Variants in NEDD9 observed in about 807,000 individuals in gnomAD.
NEDD9 encodes the protein enhancer of filamentation 1.
NEDD9 carries 26 observed loss-of-function variants against 76.6 expected under a neutral mutation model. The ratio of observed to expected loss-of-function variants is 0.34; its 90% confidence interval spans 0.25 to 0.47. The LOEUF (loss-of-function observed/expected upper bound fraction) is 0.47. NEDD9 is among the 20% of genes least tolerant of loss of function. The pLI, the probability that NEDD9 is intolerant of heterozygous loss-of-function variation, is 1.00. For synonymous variants in NEDD9, 392 were observed against 414.2 expected (o/e 0.95, Z 0.65); for missense variants, 937 against 1,058.5 (o/e 0.89, Z 1.59).
intron 3 of NEDD9, among the ~76,000 whole-genome samples, chr6:11,275,048 A>G (rs1290087707): frequency 6.6e-6 from 1 of 152,246 alleles, no homozygotes; most frequent in Non-Finnish European, 1.5e-5. Context: ...ACATATAGAT[A>G]GTAGAATACT....
Position 11,357,241 on chromosome 6 carries a change from C to T in NEDD9, c.-213-22680G>A, listed in dbSNP as rs558192130. Among the ~76,000 whole-genome samples the T allele has an allele frequency of 1.5e-4, 23 of 152,282 alleles. No individual in the cohort carries two copies. The South Asian group carries it at 4.8e-3, about 32-fold the overall frequency. ...CCTTTACTCCTGTGGATAAACTTGT[C>T]ATTATCCCTCTGGAAGCCCCAAATG... On this transcript the variant is annotated intron_variant, in intron 1 of 3. Coordinates refer to the NEDD9 transcript ENST00000397378.
chr6:11,336,051 C>T (rs1762153206), intron 1 of NEDD9, among the ~76,000 whole-genome samples: 3 of 152,182 alleles, frequency 2.0e-5, no homozygotes, highest in Admixed American at 2.0e-4. Flanking sequence ...ACGACATGCC[C>T]CAGGACTCCC....
chr6:11,190,016 C>G lies in NEDD9; in HGVS notation c.1853G>C (p.Ser618Thr). The change falls in exon 5 of 7, where the codon AGT becomes ACT. Residue 618 changes from serine (S) to threonine (T), a missense_variant. By Grantham distance (58) the Ser-to-Thr change is moderately conservative. Transcript: ENST00000379446. The surrounding 1 kb of genome is among the most constrained non-coding windows in gnomAD (Gnocchi z 5.8). Reference sequence around the variant, plus strand: ...CATCCAGCTCCTCTCAGAACCATCACTGCTGCTACAGTCAGGGGCCTGCTC... The same window carrying G: ...CATCCAGCTCCTCTCAGAACCATCAGTGCTGCTACAGTCAGGGGCCTGCTC... ...SKEQAPDCSSSDGSERSWMDD... is the reference protein window; with the variant it reads ...SKEQAPDCSSTDGSERSWMDD... 6.5e-7 allele frequency: 1 copy of G among 1,537,716 alleles called. No individual in the cohort carries two copies. The highest frequency in any genetic ancestry group is 1.3e-5 in the South Asian group (1 of 77,466).
At position 11,232,535 on chromosome 6, in the gene NEDD9, G is replaced by T. The variant is rs368442979; in HGVS notation, c.-20C>A. The T allele has an allele frequency of 1.9e-6, 3 of 1,614,076 alleles. No homozygotes were observed. The African/African-American group carries it at 4.0e-5, about 22-fold the overall frequency. ...CTTCATTTCGGCAGCGGTGGGTTGA[G>T]CCGTTTTCCTACACTAGTTAAGACA... On this transcript the variant is annotated 5_prime_UTR_variant, in exon 1 of 7. Coordinates refer to ENST00000379446, the MANE Select transcript of NEDD9 (RefSeq NM_006403.4).
chr6:11,204,146 C>T (rs1210417095), intron 2 of NEDD9, among the ~76,000 whole-genome samples: 1 of 152,184 alleles, frequency 6.6e-6, no homozygotes, highest in Non-Finnish European at 1.5e-5. Context: ...GAGTTAGTTA[C>T]TCAGGCTATT....
intron 3 of NEDD9, among the ~76,000 whole-genome samples, chr6:11,300,335 C>T (rs1761016131): frequency 6.6e-6 from 1 of 152,114 alleles, no homozygotes; most frequent in South Asian, 2.1e-4. Flanking sequence ...AGGAAATGAA[C>T]AAAGCCTCCA....
chr6:11,305,792 G>A, intron 3 of NEDD9: 1 of 613,548 alleles, frequency 1.6e-6, no homozygotes, highest in Non-Finnish European at 2.9e-6. Context: ...GATGCCCTGT[G>A]GGCATCAGTG....
chr6:11,230,578 T>G (rs902049289), intron 1 of NEDD9, among the ~76,000 whole-genome samples: 1 of 152,372 alleles, frequency 6.6e-6, no homozygotes, highest in South Asian at 2.1e-4. Flanking sequence ...TTGTTCATTA[T>G]TAACTAGAGA....
At chr6:11,321,101 A>C (rs866045155) in intron 2 of NEDD9, among the ~76,000 whole-genome samples, 1 of 147,648 alleles carries the variant, frequency 6.8e-6, no homozygotes, top group African/African-American at 2.5e-5. Flanking sequence ...AAAAAGAGGG[A>C]GGGAAATGGA....
rs1759700292 is a variant in NEDD9 at position 11,241,091 on chromosome 6, A to AT, written c.13-27365dup. On this transcript the variant is annotated intron_variant, in intron 3 of 3. Coordinates refer to the NEDD9 transcript ENST00000397378. The surrounding 1 kb of genome is among the most constrained non-coding windows in gnomAD (Gnocchi z 4.0). ...TGCTGATAGAAACTTCACACTGTGGATTTTTACAAAGGTTGAAGTGATCTG... is the reference window on the plus strand; with the variant it reads ...TGCTGATAGAAACTTCACACTGTGGATTTTTTACAAAGGTTGAAGTGATCTG... Among the ~76,000 whole-genome samples the AT allele has an allele frequency of 6.6e-6, 1 of 152,182 alleles. No individual in the cohort carries two copies. Among genetic ancestry groups the AT allele is most frequent in the African/African-American group, 2.4e-5 (1 of 41,436 alleles).
rs924909632 is a variant in NEDD9, at chr6:11,290,321, T to C, written c.12+15671A>G. On this transcript the variant is annotated intron_variant, in intron 3 of 3. Transcript: ENST00000397378. Reference sequence around the variant, plus strand: ...AGACCTTCATTCCCCCCAAAGGCTGTCTCCACCTTTTAAGCTCTCTTGACA... The same window carrying C: ...AGACCTTCATTCCCCCCAAAGGCTGCCTCCACCTTTTAAGCTCTCTTGACA... Among the ~76,000 whole-genome samples, 177 of 152,302 alleles carry C rather than the reference T, an allele frequency of 1.2e-3. 3 individuals are homozygous for C. The highest frequency in any genetic ancestry group is 9.4e-4 in the African/African-American group (39 of 41,570).
intron 1 of NEDD9, among the ~76,000 whole-genome samples, chr6:11,358,746 G>T (rs1762627671): frequency 6.6e-6 from 1 of 152,172 alleles, no homozygotes; most frequent in South Asian, 2.1e-4. Context: ...CAAAATACAT[G>T]CAGTCTTCCA....
rs148570148 is a variant in NEDD9 at position 11,317,491 on chromosome 6, G to A, written c.-152-11336C>T. Among the ~76,000 whole-genome samples, 16 of 152,090 alleles carry A rather than the reference G, an allele frequency of 1.1e-4. No homozygotes were observed. In the East Asian group the frequency reaches 2.1e-3, roughly 20 times the overall value. ...TGGGGACTATCACTCCTAGAGGGCC[G>A]CACAGAGAAGAGAGGCCTGAAGGAG... On this transcript the variant is annotated intron_variant, in intron 2 of 3. Transcript: ENST00000397378.
chr6:11,321,363 T>C (rs989900891), intron 2 of NEDD9, among the ~76,000 whole-genome samples: 1 of 151,850 alleles, frequency 6.6e-6, no homozygotes, highest in Admixed American at 6.6e-5. Context: ...TCCCTGCGCA[T>C]AGTGTGAGTG....
At chr6:11,346,899 A>G (rs1762374845) in intron 1 of NEDD9, among the ~76,000 whole-genome samples, 1 of 152,068 alleles carries the variant, frequency 6.6e-6, no homozygotes, top group Non-Finnish European at 1.5e-5. Flanking sequence ...ACTGGCCTGA[A>G]ATTTGTGTTG....
chr6:11,346,785 T>C (rs561595555), intron 1 of NEDD9, among the ~76,000 whole-genome samples: 30 of 152,218 alleles, frequency 2.0e-4, no homozygotes, highest in African/African-American at 7.0e-4. Flanking sequence ...TTGTGCTTAG[T>C]AGGGGGCTGG....
At position 11,296,448 on chromosome 6, in the gene NEDD9, GT is replaced by G. The variant is rs1488466997; in HGVS notation, c.12+9543del. Among the ~76,000 whole-genome samples, 6 of 152,292 alleles carry G rather than the reference GT, an allele frequency of 3.9e-5. No homozygotes were observed. In the East Asian group the frequency reaches 9.6e-4, roughly 24 times the overall value. On this transcript the variant is annotated intron_variant, in intron 3 of 3. Coordinates refer to the NEDD9 transcript ENST00000397378. ...CCCTACAATAGGTCAGGATAATCAT[GT>G]TTTTAGAGAGGTGATAAAGAATATG...
chr6:11,218,486 G>A (rs543185727), intron 1 of NEDD9, among the ~76,000 whole-genome samples: 51 of 151,734 alleles, frequency 3.4e-4, no homozygotes, highest in African/African-American at 1.1e-3. Flanking sequence ...CCCAGTTCTC[G>A]ATCATACTAT....
At position 11,237,850 on chromosome 6, in the gene NEDD9, T is replaced by G. The variant is rs926768252; in HGVS notation, c.13-24123A>C. Among the ~76,000 whole-genome samples the G allele has an allele frequency of 1.3e-5, 2 of 152,150 alleles. No individual in the cohort carries two copies. The highest frequency in any genetic ancestry group is 2.9e-5 in the Non-Finnish European group (2 of 68,028). ...AATAAAGTATAGATCTTTCCACATCTACAGGGGAACAATCTGGAAGCTGAG... is the reference window on the plus strand; with the variant it reads ...AATAAAGTATAGATCTTTCCACATCGACAGGGGAACAATCTGGAAGCTGAG... On this transcript the variant is annotated intron_variant, in intron 3 of 3. Transcript: ENST00000397378. This position sits in a 1 kb window ranked among gnomAD's most constrained non-coding sequence, Gnocchi z 4.9.
Sources: allele counts gnomAD v4.1 joint callset (sites outside exome capture counted in the v4.1 genomes callset), GRCh38; gene constraint gnomAD v4.1.1; non-coding constraint Gnocchi (gnomAD v3.1); transcripts MANE v1.5; gene names NCBI Gene and HGNC (gene_info 2026-07-23, HGNC 2026-07-21).